ST8SIA6: variants seen among roughly 807,000 people sequenced by gnomAD.
The protein encoded by ST8SIA6 is alpha-2,8-sialyltransferase 8F.
Under a neutral mutation model 33.6 loss-of-function variants are expected in ST8SIA6, and 39 were observed. That is an observed-to-expected ratio of 1.16 (90% CI 0.90 to 1.52). The LOEUF (loss-of-function observed/expected upper bound fraction) is 1.52, where lower values mean the gene tolerates loss of function less well. Among genes scored for constraint, ST8SIA6 ranks in the 40% most tolerant of loss-of-function variants. The pLI is 0.00. For synonymous variants in ST8SIA6, 172 were observed against 167.2 expected (o/e 1.03, Z -0.22); for missense variants, 441 against 443.8 (o/e 0.99, Z 0.06).
chr10:17,333,718 T>TACATATA (rs1491246829), intron 4 of ST8SIA6, among the ~76,000 whole-genome samples: 3 of 24,280 alleles, frequency 1.2e-4, no homozygotes, highest in African/African-American at 3.4e-4. Flanking sequence ...TATATATATA[T>TACATATA]TTTTTTTTTT....
At chr10:17,423,242 C>T (rs901219928) in intron 2 of ST8SIA6, among the ~76,000 whole-genome samples, 14 of 152,218 alleles carry the variant, frequency 9.2e-5, no homozygotes, top group African/African-American at 3.1e-4. Context: ...TTGTGAAATT[C>T]ACTATATTTA....
intron 2 of ST8SIA6, among the ~76,000 whole-genome samples, chr10:17,417,347 C>G (rs1851635849): frequency 6.6e-6 from 1 of 152,088 alleles, no homozygotes; most frequent in Admixed American, 6.5e-5. Context: ...ACCATCCAAA[C>G]CCTATCACCC....
intron 2 of ST8SIA6, among the ~76,000 whole-genome samples, chr10:17,442,621 A>G (rs7901548): frequency 0.37 from 56,495 of 152,130 alleles, 14,195 homozygotes; most frequent in African/African-American, 0.72. Flanking sequence ...TCTCCAAATT[A>G]TTTATTTGAA....
intron 4 of ST8SIA6, among the ~76,000 whole-genome samples, chr10:17,332,429 A>G (rs1016848595): frequency 6.6e-6 from 1 of 152,048 alleles, no homozygotes; most frequent in East Asian, 1.9e-4. Context: ...AAGCATTCCT[A>G]TTTCTCCACA....
chr10:17,415,171 C>T (rs1851564198), intron 2 of ST8SIA6, among the ~76,000 whole-genome samples: 1 of 152,186 alleles, frequency 6.6e-6, no homozygotes, highest in African/African-American at 2.4e-5. Context: ...CCTCAACAAT[C>T]TATTCCCTCA....
intron 3 of ST8SIA6, among the ~76,000 whole-genome samples, chr10:17,363,152 C>A (rs1033146343): frequency 6.6e-6 from 1 of 152,176 alleles, no homozygotes; most frequent in Non-Finnish European, 1.5e-5. Flanking sequence ...ATTTACAAAT[C>A]TCCCCATTTA....
At chr10:17,377,864 G>A (rs1849970334) in intron 3 of ST8SIA6, among the ~76,000 whole-genome samples, 1 of 152,158 alleles carries the variant, frequency 6.6e-6, no homozygotes, top group Admixed American at 6.6e-5. Context: ...ACACTGAATG[G>A]CTTTCCCCGT....
At chr10:17,362,214 T>C (rs1849414130) in intron 3 of ST8SIA6, among the ~76,000 whole-genome samples, 1 of 152,188 alleles carries the variant, frequency 6.6e-6, no homozygotes, top group African/African-American at 2.4e-5. Flanking sequence ...ATAGTAAAAC[T>C]GTCTTTATTC....
intron 2 of ST8SIA6, among the ~76,000 whole-genome samples, chr10:17,407,512 C>A (rs1851311448): frequency 6.6e-6 from 1 of 152,218 alleles, no homozygotes; most frequent in Non-Finnish European, 1.5e-5. Context: ...CCTTTCCCCA[C>A]CTTAGACCAT....
chr10:17,438,663 C>G (rs1401324541), intron 2 of ST8SIA6, among the ~76,000 whole-genome samples: 2 of 152,216 alleles, frequency 1.3e-5, no homozygotes, highest in African/African-American at 4.8e-5. Context: ...AAGCTAAGCT[C>G]TCTTTTTCCA....
At position 17,327,050 on chromosome 10, in the gene ST8SIA6, CAG is replaced by C; in HGVS notation, c.597_598del (p.Cys200TrpfsTer3). On this transcript the variant is annotated frameshift_variant, in exon 6 of 8. Coordinates refer to ENST00000377602, the MANE Select transcript of ST8SIA6 (RefSeq NM_001004470.3). LOFTEE classifies it high-confidence loss of function. ...GTCGGATTTATCTATTTCAGTTCCACAGAGAGACTTATTCAGAATTCCCCCAT... is the reference window on the plus strand; with the variant it reads ...GTCGGATTTATCTATTTCAGTTCCACAGAGACTTATTCAGAATTCCCCCAT... The C allele has an allele frequency of 6.2e-7, 1 of 1,608,918 alleles. No homozygotes were observed. The highest frequency in any genetic ancestry group is 2.2e-5 in the East Asian group (1 of 44,510).
intron 3 of ST8SIA6, among the ~76,000 whole-genome samples, chr10:17,371,419 T>G (rs1280367274): frequency 6.6e-6 from 1 of 151,826 alleles, no homozygotes; most frequent in Non-Finnish European, 1.5e-5. Flanking sequence ...TGAAGAGAAA[T>G]GAGGCCTGAG....
rs1233683622 is a variant in ST8SIA6 at position 17,319,606 on chromosome 10, C to T, written c.*1272G>A. On this transcript the variant is annotated 3_prime_UTR_variant, in exon 8 of 8. Coordinates refer to ENST00000377602, the MANE Select transcript of ST8SIA6 (RefSeq NM_001004470.3). Reference sequence around the variant, plus strand: ...ACACCATTTGGAATATTTCTGAAATCCATATCAGTGATACTAGAGATTCTG... The same window carrying T: ...ACACCATTTGGAATATTTCTGAAATTCATATCAGTGATACTAGAGATTCTG... Among the ~76,000 whole-genome samples the T allele has an allele frequency of 6.6e-6, 1 of 152,034 alleles. No individual in the cohort carries two copies. The highest frequency in any genetic ancestry group is 2.4e-5 in the African/African-American group (1 of 41,398).
At chr10:17,448,430 A>G (rs1485234034) in intron 2 of ST8SIA6, among the ~76,000 whole-genome samples, 2 of 152,150 alleles carry the variant, frequency 1.3e-5, no homozygotes, top group Non-Finnish European at 1.5e-5. Flanking sequence ...CTGCCACCAA[A>G]AGGTGCCAAA....
At chr10:17,403,987 C>T (rs906298790) in intron 2 of ST8SIA6, among the ~76,000 whole-genome samples, 2 of 151,048 alleles carry the variant, frequency 1.3e-5, no homozygotes, top group African/African-American at 4.9e-5. Context: ...ATCGCTTGAA[C>T]CCGGGAGGCA....
At chr10:17,431,786 A>G (rs1277160530) in intron 2 of ST8SIA6, among the ~76,000 whole-genome samples, 4 of 152,064 alleles carry the variant, frequency 2.6e-5, no homozygotes, top group African/African-American at 9.7e-5. Context: ...AGTTTCTACT[A>G]TATGCCATTA....
chr10:17,323,684 G>A (rs1225898768), intron 6 of ST8SIA6, among the ~76,000 whole-genome samples: 1 of 151,874 alleles, frequency 6.6e-6, no homozygotes, highest in Non-Finnish European at 1.5e-5. Context: ...TGTGCCCGGC[G>A]AAAATTACAA....
chr10:17,360,897 C>A lies in ST8SIA6; in HGVS notation c.291-1297G>T, dbSNP rs10904937. 5.0e-4 allele frequency among the ~76,000 whole-genome samples: 68 copies of A among 134,896 alleles called. 1 individual carries two copies. In the East Asian group the frequency reaches 0.011, roughly 23 times the overall value. 88.5% of individuals were successfully genotyped at this position (134,896 alleles called of 152,430 possible). On this transcript the variant is annotated intron_variant, in intron 3 of 7. Transcript: ENST00000377602. ...CAAACTGGGAGAAGAAAGAAGATGA[C>A]GAAGAAGAAGAAGAGGAAGAAGGGA...
At chr10:17,380,913 TTGTGCG>T (rs200992466) in intron 3 of ST8SIA6, among the ~76,000 whole-genome samples, 4 of 124,270 alleles carry the variant, frequency 3.2e-5, no homozygotes, top group Admixed American at 8.4e-5. Context: ...ATATGTGTGT[TTGTGCG>T]TGTGTGTGTG....
Sources: gnomAD v4.1 joint callset for allele counts (sites outside exome capture counted in the v4.1 genomes callset) on GRCh38, gnomAD v4.1.1 for gene constraint, MANE v1.5 for transcripts, NCBI Gene and HGNC (gene_info 2026-07-23, HGNC 2026-07-21) for gene names.